Variants in MALRD1 observed in about 807,000 individuals in gnomAD.
The protein encoded by MALRD1 is MAM and LDL receptor class A domain containing 1.
MALRD1 carries 247 observed loss-of-function variants against 242.1 expected under a neutral mutation model. The observed-to-expected ratio is 1.02, with a 90% CI of 0.92 to 1.13. MALRD1 has a LOEUF of 1.13. MALRD1 is among the 50% of genes most tolerant of loss of function. The pLI is 0.00. For missense variants in MALRD1, 2,989 were observed against 2,533.1 expected, an observed-to-expected ratio of 1.18 and a Z score of -3.86; for synonymous variants, 995 against 866.6, an observed-to-expected ratio of 1.15 and a Z score of -2.60.
intron 26 of MALRD1, among the ~76,000 whole-genome samples, chr10:19,373,616 G>C (rs1053570740): frequency 3.3e-5 from 5 of 152,162 alleles, no homozygotes; most frequent in African/African-American, 1.2e-4. Context: ...TAAAATACTA[G>C]AGAAAACATT....
intron 28 of MALRD1, among the ~76,000 whole-genome samples, chr10:19,439,329 A>G (rs1834503166): frequency 6.6e-6 from 1 of 152,082 alleles, no homozygotes; most frequent in Non-Finnish European, 1.5e-5. Flanking sequence ...CCATTAGTTT[A>G]AAACCAGCCT....
intron 34 of MALRD1, among the ~76,000 whole-genome samples, chr10:19,603,486 C>T (rs1031781962): frequency 3.9e-5 from 6 of 152,056 alleles, no homozygotes; most frequent in Non-Finnish European, 8.8e-5. Context: ...TCAGGTTTGT[C>T]AAAGATCAGA....
intron 26 of MALRD1, among the ~76,000 whole-genome samples, chr10:19,358,193 CAAGT>C (rs1233374243): frequency 0.023 from 2,096 of 89,616 alleles, 42 homozygotes; most frequent in African/African-American, 0.06. Flanking sequence ...GGGCAGGAGT[CAAGT>C]GTGTGTGTGT....
intron 4 of MALRD1, among the ~76,000 whole-genome samples, chr10:19,098,477 A>G (rs887088971): frequency 6.6e-6 from 1 of 152,112 alleles, no homozygotes; most frequent in Non-Finnish European, 1.5e-5. Flanking sequence ...TTCTACCCTC[A>G]CTCTTCAAAA....
At chr10:19,687,288 A>G (rs1842618795) in intron 36 of MALRD1, among the ~76,000 whole-genome samples, 1 of 152,212 alleles carries the variant, frequency 6.6e-6, no homozygotes, top group Admixed American at 6.5e-5. Context: ...ATGAAATAGC[A>G]AAGAGATTAC....
At chr10:19,285,141 T>C (rs1018249401) in intron 21 of MALRD1, among the ~76,000 whole-genome samples, 4 of 142,196 alleles carry the variant, frequency 2.8e-5, no homozygotes, top group Admixed American at 7.1e-5. Context: ...CATTGTAGAT[T>C]CTGGATATTA....
intron 5 of MALRD1, among the ~76,000 whole-genome samples, chr10:19,117,606 C>T (rs1836917703): frequency 6.6e-6 from 1 of 152,080 alleles, no homozygotes; most frequent in Non-Finnish European, 1.5e-5. Flanking sequence ...TCATGGTAAT[C>T]GTTATTGTGC....
At chr10:19,163,563 G>A (rs533532524) in intron 12 of MALRD1, among the ~76,000 whole-genome samples, 1 of 152,198 alleles carries the variant, frequency 6.6e-6, no homozygotes, top group East Asian at 1.9e-4. Context: ...AATGCTTAGT[G>A]CCTGGGTGAC....
At chr10:19,699,019 T>C (rs969145498) in intron 38 of MALRD1, among the ~76,000 whole-genome samples, 4 of 151,786 alleles carry the variant, frequency 2.6e-5, no homozygotes, top group East Asian at 1.9e-4. Context: ...AGGGAGGGGA[T>C]ATCACACACC....
intron 18 of MALRD1, among the ~76,000 whole-genome samples, chr10:19,256,503 T>C (rs568395007): frequency 2.0e-5 from 3 of 152,184 alleles, no homozygotes; most frequent in South Asian, 2.1e-4. Context: ...GAGAGACTCA[T>C]TGTAAAACAG....
intron 1 of MALRD1, among the ~76,000 whole-genome samples, chr10:19,055,411 C>A (rs1399045547): frequency 6.6e-6 from 1 of 152,028 alleles, no homozygotes; most frequent in Non-Finnish European, 1.5e-5. Context: ...TTGATGCGGT[C>A]CTATTTGTAT....
intron 30 of MALRD1, chr10:19,493,191 C>T (rs960228112): frequency 1.3e-5 from 2 of 151,864 alleles, no homozygotes; most frequent in African/African-American, 4.8e-5. Context: ...TGGTAACCAC[C>T]CTTCTCCTCT....
chr10:19,213,710 G>T (rs142250660), intron 18 of MALRD1, among the ~76,000 whole-genome samples: 1 of 152,156 alleles, frequency 6.6e-6, no homozygotes, highest in African/African-American at 2.4e-5. Context: ...TTACTGTTGC[G>T]TCTCTGCTAA....
chr10:19,682,028 A>G (rs2148617), intron 36 of MALRD1, among the ~76,000 whole-genome samples: 46,518 of 151,894 alleles, frequency 0.31, 7,978 homozygotes, highest in South Asian at 0.44. Flanking sequence ...TTATGGAATA[A>G]CTATATCTCT....
At chr10:19,283,264 C>A in intron 21 of MALRD1, 83 bp downstream of exon 21, 1 of 1,148,762 alleles carries the variant, frequency 8.7e-7, no homozygotes, top group Non-Finnish European at 1.1e-6. Context: ...CCACCTTATC[C>A]TAGGCCAATG....
intron 26 of MALRD1, among the ~76,000 whole-genome samples, chr10:19,384,410 TATAATATA>T (rs1228765178): frequency 3.3e-4 from 23 of 70,154 alleles, no homozygotes; most frequent in East Asian, 1.0e-3. Context: ...ATATAGTATA[TATAATATA>T]ATATTTACCA....
At chr10:19,081,604 G>T (rs538263417) in intron 2 of MALRD1, among the ~76,000 whole-genome samples, 1 of 152,002 alleles carries the variant, frequency 6.6e-6, no homozygotes, top group Admixed American at 6.6e-5. Context: ...ACAGACACTG[G>T]GACCTGTCAG....
chr10:19,526,606 C>T (rs1316642828), intron 31 of MALRD1, among the ~76,000 whole-genome samples: 1 of 151,914 alleles, frequency 6.6e-6, no homozygotes, highest in African/African-American at 2.4e-5. Flanking sequence ...TTTGTAAGAC[C>T]AAAATTGAGT....
At chr10:19,716,110 A>G (rs113880831) in intron 38 of MALRD1, among the ~76,000 whole-genome samples, 4 of 152,302 alleles carry the variant, frequency 2.6e-5, no homozygotes, top group African/African-American at 9.6e-5. Context: ...CTAGTGTGGG[A>G]TTCTTATGTC....
Sources: allele counts gnomAD v4.1 joint callset (sites outside exome capture counted in the v4.1 genomes callset), GRCh38; gene constraint gnomAD v4.1.1; transcripts MANE v1.5; gene names NCBI Gene and HGNC (gene_info 2026-07-23, HGNC 2026-07-21).